The following ADAMTS6 variants were observed in gnomAD, a reference collection of about 807,000 sequenced individuals.
ADAMTS6 encodes A disintegrin and metalloproteinase with thrombospondin motifs 6.
A neutral mutation model predicts 144.3 loss-of-function variants in ADAMTS6; 23 were observed. That is an observed-to-expected ratio of 0.16 (90% CI 0.11 to 0.23). The LOEUF is 0.23. Among genes scored for constraint, ADAMTS6 ranks in the 10% least tolerant of loss-of-function variants. The pLI is 1.00. For synonymous variants in ADAMTS6, 444 were observed against 457.5 expected (o/e 0.97, Z 0.38); for missense variants, 999 against 1,379.6 (o/e 0.72, Z 4.37).
chr5:65,370,303 T>A (rs951881000), intron 7 of ADAMTS6, among the ~76,000 whole-genome samples: 1 of 152,210 alleles, frequency 6.6e-6, no homozygotes, highest in Non-Finnish European at 1.5e-5. Context: ...AGCTCCGGTC[T>A]ATAGCTCCCA....
intron 7 of ADAMTS6, among the ~76,000 whole-genome samples, chr5:65,413,770 A>C (rs1251153036): frequency 6.6e-6 from 1 of 152,166 alleles, no homozygotes; most frequent in Non-Finnish European, 1.5e-5. Context: ...CACAGTGGTC[A>C]CTGAAGATTG....
intron 7 of ADAMTS6, among the ~76,000 whole-genome samples, chr5:65,365,195 G>T (rs1233575928): frequency 6.6e-6 from 1 of 151,934 alleles, no homozygotes; most frequent in East Asian, 1.9e-4. Flanking sequence ...CTCATCTGGA[G>T]TATACAGACA....
chr5:65,202,136 G>C (rs1755779773), intron 20 of ADAMTS6, among the ~76,000 whole-genome samples: 1 of 152,140 alleles, frequency 6.6e-6, no homozygotes, highest in Non-Finnish European at 1.5e-5. Flanking sequence ...TCCTTCTTCT[G>C]AAGAGCCTCC....
chr5:65,269,838 C>T (rs188829548), intron 12 of ADAMTS6, among the ~76,000 whole-genome samples: 1 of 144,020 alleles, frequency 6.9e-6, no homozygotes, highest in East Asian at 2.0e-4. Context: ...GTTGCCCAGG[C>T]TGGAGGGCAA....
chr5:65,246,777 A>G (rs949879871), intron 14 of ADAMTS6, among the ~76,000 whole-genome samples: 1 of 152,202 alleles, frequency 6.6e-6, no homozygotes, highest in African/African-American at 2.4e-5. Context: ...CATTGTTTCT[A>G]GAATACATCA....
At chr5:65,183,345 G>A (rs1754474026) in intron 22 of ADAMTS6, among the ~76,000 whole-genome samples, 1 of 152,070 alleles carries the variant, frequency 6.6e-6, no homozygotes, top group Non-Finnish European at 1.5e-5. Context: ...GTACAGTATA[G>A]AAAGATATTT....
intron 21 of ADAMTS6, among the ~76,000 whole-genome samples, chr5:65,188,603 T>C (rs939115689): frequency 2.6e-5 from 4 of 152,160 alleles, no homozygotes; most frequent in Non-Finnish European, 5.9e-5. Flanking sequence ...TGGCTCCCTA[T>C]GGCAGGGGGT....
chr5:65,314,672 C>A (rs888833589), intron 9 of ADAMTS6, among the ~76,000 whole-genome samples: 1 of 152,028 alleles, frequency 6.6e-6, no homozygotes, highest in African/African-American at 2.4e-5. Flanking sequence ...ACACCTTACT[C>A]CTGGAGAAAC....
intron 1 of ADAMTS6, among the ~76,000 whole-genome samples, chr5:65,476,241 T>TC (rs148273576): frequency 0.044 from 6,754 of 152,226 alleles, 520 homozygotes; most frequent in African/African-American, 0.15. Context: ...AACAGGTTTT[T>TC]CCCCAGTCAA....
At chr5:65,187,729 TAAG>T (rs976277669) in intron 22 of ADAMTS6, among the ~76,000 whole-genome samples, 4 of 152,174 alleles carry the variant, frequency 2.6e-5, no homozygotes, top group African/African-American at 9.7e-5. Flanking sequence ...TGCTCAACAG[TAAG>T]AAGGAGAAAA....
intron 14 of ADAMTS6, among the ~76,000 whole-genome samples, chr5:65,259,376 TCAAA>T (rs150243891): frequency 0.03 from 4,535 of 149,696 alleles, 112 homozygotes; most frequent in African/African-American, 0.075. Context: ...AGGCTCTGTC[TCAAA>T]CAAACAAACA....
intron 7 of ADAMTS6, among the ~76,000 whole-genome samples, chr5:65,385,980 A>G (rs1224417312): frequency 6.6e-6 from 1 of 152,228 alleles, no homozygotes; most frequent in Non-Finnish European, 1.5e-5. Flanking sequence ...CTATGGTTAG[A>G]GAAAAGATAA....
chr5:65,466,771 G>T (rs1292697491), intron 3 of ADAMTS6, among the ~76,000 whole-genome samples: 1 of 152,144 alleles, frequency 6.6e-6, no homozygotes, highest in Non-Finnish European at 1.5e-5. Flanking sequence ...GGCCGGGCGC[G>T]GTGGCTCACG....
At chr5:65,463,095 C>T (rs1759747546) in intron 3 of ADAMTS6, among the ~76,000 whole-genome samples, 3 of 147,964 alleles carry the variant, frequency 2.0e-5, no homozygotes, top group African/African-American at 7.5e-5. Context: ...AAAAAAAAAG[C>T]TAATTGATTA....
At chr5:65,181,938 C>A (rs1754378602) in intron 22 of ADAMTS6, among the ~76,000 whole-genome samples, 1 of 152,164 alleles carries the variant, frequency 6.6e-6, no homozygotes, top group Admixed American at 6.5e-5. Flanking sequence ...GGACATACAT[C>A]TCTTGTTTAT....
At chr5:65,278,535 G>A (rs1762740388) in intron 11 of ADAMTS6, among the ~76,000 whole-genome samples, 1 of 152,120 alleles carries the variant, frequency 6.6e-6, no homozygotes, top group African/African-American at 2.4e-5. Flanking sequence ...CAGGAGTAAG[G>A]TGGTATCTCA....
intron 7 of ADAMTS6, among the ~76,000 whole-genome samples, chr5:65,374,897 G>T (rs1165676168): frequency 6.6e-6 from 1 of 152,078 alleles, no homozygotes; most frequent in African/African-American, 2.4e-5. Flanking sequence ...GCATGGCACT[G>T]GTACCAAAAC....
At chr5:65,372,159 T>G (rs570711001) in intron 7 of ADAMTS6, among the ~76,000 whole-genome samples, 42 of 143,438 alleles carry the variant, frequency 2.9e-4, no homozygotes, top group Admixed American at 6.7e-4. Context: ...TACCAGCCAC[T>G]GCAAAATCAT....
At chr5:65,463,762 C>T (rs904912079) in intron 3 of ADAMTS6, among the ~76,000 whole-genome samples, 1 of 152,158 alleles carries the variant, frequency 6.6e-6, no homozygotes, top group Non-Finnish European at 1.5e-5. Flanking sequence ...AACAAAATCT[C>T]CTCTACCACC....
Sources: gnomAD v4.1 joint callset for allele counts (sites outside exome capture counted in the v4.1 genomes callset) on GRCh38, gnomAD v4.1.1 for gene constraint, MANE v1.5 for transcripts, NCBI Gene and HGNC (gene_info 2026-07-23, HGNC 2026-07-21) for gene names.